COL1A1: variants seen among roughly 807,000 people sequenced by gnomAD.
COL1A1 encodes collagen type I alpha 1 chain, also known as collagen alpha-1(I) chain.
In COL1A1, 21 loss-of-function variants were observed where a neutral mutation model predicts 195.7. The ratio of observed to expected loss-of-function variants is 0.11; its 90% CI spans 0.08 to 0.15. The LOEUF is 0.15. Among genes scored for constraint, COL1A1 ranks in the 10% least tolerant of loss-of-function variants. The pLI, the probability that COL1A1 is intolerant of heterozygous loss-of-function variation, is 1.00. For missense variants in COL1A1, 1,365 were observed against 2,051.0 expected (o/e 0.67, Z 6.46); for synonymous variants, 749 against 747.3 (o/e 1.00, Z -0.04).
At position 50,188,260 on chromosome 17, in the gene COL1A1, G is replaced by T; in HGVS notation, c.3208-111C>A. On this transcript the variant is annotated intron_variant, in intron 43 of 50. Transcript: ENST00000225964. This position sits in a 1 kb window ranked among gnomAD's most constrained non-coding sequence, Gnocchi z 5.6. ...TCTCTCTCCTCAGCTGCTTCCCACT[G>T]TGGCCATCTCTCCCAACTCCCAGGG... 8.9e-7 allele frequency: 1 copy of T among 1,128,384 alleles called. No homozygotes were observed. The highest frequency in any genetic ancestry group is 1.2e-6 in the Non-Finnish European group (1 of 802,086). 69.9% of individuals were successfully genotyped at this position (1,128,384 alleles called of 1,614,324 possible). A position where few individuals can be genotyped will look rare whatever the true frequency, so the allele number is the denominator to read the frequency against.
chr17:50,195,956 A>G lies in COL1A1; in HGVS notation c.1023T>C (p.Gly341=), dbSNP rs770033774. The change falls in exon 16 of 51, where the codon GGT becomes GGC. Residue 341 remains glycine (G), a synonymous_variant. Coordinates refer to ENST00000225964, the MANE Select transcript of COL1A1 (RefSeq NM_000088.4). This position sits in a 1 kb window ranked among gnomAD's most constrained non-coding sequence, Gnocchi z 4.3. The stretch of plus-strand genomic sequence containing the variant: ...CAACAGCACCAGGGAAGCCAGGAGG[A>G]CCAGCGGGGCCGGTGGGACCCTGTG... ...AGPPGPTGPA[G]PPGFPGAVGA... The G allele has an allele frequency of 6.3e-7, 1 of 1,594,370 alleles. No homozygotes were observed. The highest frequency in any genetic ancestry group is 8.5e-7 in the Non-Finnish European group (1 of 1,170,104).
Position 50,188,907 on chromosome 17 carries a change from C to G in COL1A1, c.3041G>C (p.Arg1014Pro). ...GLAGPPGESG[R>P]EGAPGAEGSP... ...TGGGGGCTGGGGACTGCTCACCTCA[C>G]GTCCAGATTCACCAGGGGGTCCAGC... Residue 1014 changes from arginine to proline, a missense_variant, in exon 41 of 51, where the codon CGT becomes CCT. Physicochemically the swap from Arg to Pro is moderately radical, Grantham distance 103. Coordinates refer to ENST00000225964, the MANE Select transcript of COL1A1 (RefSeq NM_000088.4). The surrounding 1 kb of genome is among the most constrained non-coding windows in gnomAD (Gnocchi z 5.6). 1 of 1,600,344 alleles carries G rather than the reference C, an allele frequency of 6.2e-7. No homozygotes were observed. Among genetic ancestry groups the G allele is most frequent in the Non-Finnish European group, 8.6e-7 (1 of 1,167,874 alleles).
chr17:50,192,134 C>T, intron 29 of COL1A1, 110 bp from the exon 30 acceptor site: 1 of 1,165,512 alleles, frequency 8.6e-7, no homozygotes, highest in South Asian at 1.3e-5. Context: ...GAGAGGAACC[C>T]CTTCTCAGCA....
rs1907793531 is a variant in COL1A1 at position 50,198,469 on chromosome 17, C to G, written c.507G>C (p.Glu169Asp). 1.2e-6 allele frequency: 2 copies of G among 1,613,508 alleles called. No homozygotes were observed. Among genetic ancestry groups the G allele is most frequent in the East Asian group, 4.5e-5 (2 of 44,878 alleles). Residue 169 changes from glutamate to aspartate, a missense_variant, in exon 6 of 51, where the codon GAG becomes GAC. By Grantham distance (45) the Glu-to-Asp change is conservative. Transcript: ENST00000225964. ...GCACGGAAATTCCTCCGGTTGATTT[C>G]TCATCATAGCCATAAGACAGCTGGG... is the stretch of plus-strand genomic sequence containing the variant. ...FAPQLSYGYD[E>D]KSTGGISVPG...
intron 14 of COL1A1, 28 bp downstream of exon 14, chr17:50,196,286 G>T: frequency 6.2e-7 from 1 of 1,608,300 alleles, no homozygotes; most frequent in Non-Finnish European, 8.5e-7. Flanking sequence ...AGAGCTCAGG[G>T]ATCCCCCAAG....
In COL1A1 at chr17:50,201,562, C is replaced by T. The variant is rs756902114; in HGVS notation, c.-49G>A. 1 of 1,540,452 alleles carries T rather than the reference C, an allele frequency of 6.5e-7. No individual in the cohort carries two copies. The highest frequency in any genetic ancestry group is 2.3e-5 in the East Asian group (1 of 43,236). Reference sequence around the variant, plus strand: ...TCTTTGTGGCTGGGGAGGGGGTTAGCGTCCGCTCATGCGTGGCCTCACACT... The same window carrying T: ...TCTTTGTGGCTGGGGAGGGGGTTAGTGTCCGCTCATGCGTGGCCTCACACT... On this transcript the variant is annotated 5_prime_UTR_variant, in exon 1 of 51. Coordinates refer to ENST00000225964, the MANE Select transcript of COL1A1 (RefSeq NM_000088.4).
chr17:50,189,145 C>G lies in COL1A1; in HGVS notation c.2937+23G>C. 3 of 1,611,726 alleles carry G rather than the reference C, an allele frequency of 1.9e-6. No homozygotes were observed. The highest frequency in any genetic ancestry group is 1.3e-5 in the African/African-American group (1 of 74,982). ...CCTGTGATGGTTTTTCTCAGGGCCC[C>G]CCAAGGTGAGGGGGGCACTTACAGA... On this transcript the variant is annotated intron_variant, in intron 40 of 50. Coordinates refer to ENST00000225964, the MANE Select transcript of COL1A1 (RefSeq NM_000088.4). This position sits in a 1 kb window ranked among gnomAD's most constrained non-coding sequence, Gnocchi z 5.5.
At position 50,188,016 on chromosome 17, in the gene COL1A1, G is replaced by A; in HGVS notation, c.3262-33C>T. On this transcript the variant is annotated intron_variant, in intron 44 of 50. Transcript: ENST00000225964. The surrounding 1 kb of genome is among the most constrained non-coding windows in gnomAD (Gnocchi z 5.6). ...AGAGAAAGGGACAAACTGTCAGGCG[G>A]AAGTTCCATTGGCATCGAGTGGGGC... 6.2e-7 allele frequency: 1 copy of A among 1,613,906 alleles called. No individual in the cohort carries two copies. Among genetic ancestry groups the A allele is most frequent in the Non-Finnish European group, 8.5e-7 (1 of 1,179,810 alleles).
In COL1A1 at chr17:50,189,289, A is replaced by G; in HGVS notation, c.2830-14T>C. The G allele has an allele frequency of 6.2e-7, 1 of 1,613,960 alleles. No homozygotes were observed. Among genetic ancestry groups the G allele is most frequent in the Non-Finnish European group, 8.5e-7 (1 of 1,179,968 alleles). On this transcript the variant is annotated splice_polypyrimidine_tract_variant and intron_variant, in intron 39 of 50. Coordinates refer to ENST00000225964, the MANE Select transcript of COL1A1 (RefSeq NM_000088.4). This position sits in a 1 kb window ranked among gnomAD's most constrained non-coding sequence, Gnocchi z 5.5. ...ACCAGGAGCACCCTTTGGGAGGCAAACAGGGGTGAGGTGCCAGAGAGCAGC... is the reference window on the plus strand; with the variant it reads ...ACCAGGAGCACCCTTTGGGAGGCAAGCAGGGGTGAGGTGCCAGAGAGCAGC...
Position 50,189,160 on chromosome 17 carries a change from G to C in COL1A1, c.2937+8C>G. On this transcript the variant is annotated splice_region_variant and intron_variant, in intron 40 of 50. Transcript: ENST00000225964. This position sits in a 1 kb window ranked among gnomAD's most constrained non-coding sequence, Gnocchi z 5.5. Reference sequence around the variant, plus strand: ...CTCAGGGCCCCCCAAGGTGAGGGGGGCACTTACAGAGGGGCCAGGAAGACC... The same window carrying C: ...CTCAGGGCCCCCCAAGGTGAGGGGGCCACTTACAGAGGGGCCAGGAAGACC... 1.2e-6 allele frequency: 2 copies of C among 1,612,806 alleles called. No individual in the cohort carries two copies. The highest frequency in any genetic ancestry group is 2.2e-5 in the East Asian group (1 of 44,866).
In COL1A1 at chr17:50,191,862, G is replaced by A. The variant is rs764826942; in HGVS notation, c.2053C>T (p.Arg685Cys). The part of the protein sequence containing the change: ...ARGERGFPGE[R>C]GVQGPPGPAG... ...GGACCAGGGGGACCTTGCACACCAC[G>A]CTCGCCAGGGAAACCTCTCTCGCCC... The change falls in exon 31 of 51, where the codon CGT becomes TGT. Residue 685 changes from arginine (R) to cysteine (C), a missense_variant. Physicochemically the swap from Arg to Cys is radical, Grantham distance 180. This residue lies in a region of COL1A1 where 671 missense variants were observed against 1,099.9 expected (regional missense o/e 0.61). Coordinates refer to ENST00000225964, the MANE Select transcript of COL1A1 (RefSeq NM_000088.4). The A allele has an allele frequency of 1.2e-5, 19 of 1,602,322 alleles. No individual in the cohort carries two copies. The highest frequency in any genetic ancestry group is 1.5e-5 in the Non-Finnish European group (18 of 1,174,136).
At chr17:50,198,885 CT>C (rs1907822726) in intron 5 of COL1A1, among the ~76,000 whole-genome samples, 1 of 152,144 alleles carries the variant, frequency 6.6e-6, no homozygotes, top group African/African-American at 2.4e-5. Flanking sequence ...CATCGGTGAA[CT>C]TTGAATACGG....
Position 50,184,199 on chromosome 17 carries a change from C to G in COL1A1, c.*1303G>C. 4.4e-6 allele frequency: 1 copy of G among 228,418 alleles called. No homozygotes were observed. The highest frequency in any genetic ancestry group is 8.7e-6 in the Non-Finnish European group (1 of 114,740). 14.1% of individuals were successfully genotyped at this position (228,418 alleles called of 1,614,324 possible). On this transcript the variant is annotated 3_prime_UTR_variant, in exon 51 of 51. Transcript: ENST00000225964. ...AAAATAGGTACAGAGTCTTTTGCTT[C>G]CTCCCACCCCTAGGGGGAAAAACTG...
rs759750794 is a variant in COL1A1, at chr17:50,192,854, C to A, written c.1822-4G>T. 2 of 1,613,934 alleles carry A rather than the reference C, an allele frequency of 1.2e-6. No homozygotes were observed. Among genetic ancestry groups the A allele is most frequent in the Middle Eastern group, 1.7e-4 (1 of 6,058 alleles). ...CTCCATCTTTGCCAGCAGGACCCTG[C>A]AGGGAGAGAGCAAAGGGGAACTCAG... On this transcript the variant is annotated splice_region_variant and splice_polypyrimidine_tract_variant and intron_variant, in intron 26 of 50. Coordinates refer to ENST00000225964, the MANE Select transcript of COL1A1 (RefSeq NM_000088.4).
intron 8 of COL1A1, 61 bp from the exon 9 acceptor site, chr17:50,197,846 G>A: frequency 4.4e-6 from 7 of 1,591,122 alleles, no homozygotes; most frequent in Non-Finnish European, 6.0e-6. Flanking sequence ...GGAAGGCTGG[G>A]ATTGAAGGGA....
At position 50,194,089 on chromosome 17, in the gene COL1A1, G is replaced by A. The variant is rs963370355; in HGVS notation, c.1668+41C>T. 4.3e-6 allele frequency: 7 copies of A among 1,610,904 alleles called. No individual in the cohort carries two copies. The highest frequency in any genetic ancestry group is 5.9e-6 in the Non-Finnish European group (7 of 1,177,288). On this transcript the variant is annotated intron_variant, in intron 24 of 50. Coordinates refer to ENST00000225964, the MANE Select transcript of COL1A1 (RefSeq NM_000088.4). This position sits in a 1 kb window ranked among gnomAD's most constrained non-coding sequence, Gnocchi z 6.8. ...CAGCAGTGAGGACAGCAGGGAGGCAGACAGGACAATGGCAGGGGGTTCAGG... is the reference window on the plus strand; with the variant it reads ...CAGCAGTGAGGACAGCAGGGAGGCAAACAGGACAATGGCAGGGGGTTCAGG...
chr17:50,188,647 A>G lies in COL1A1; in HGVS notation c.3100-10T>C. The G allele has an allele frequency of 1.2e-6, 2 of 1,613,658 alleles. No individual in the cohort carries two copies. Among genetic ancestry groups the G allele is most frequent in the South Asian group, 2.2e-5 (2 of 91,068 alleles). The stretch of plus-strand genomic sequence containing the variant: ...TCTCACCACGGTCACCCTGGCGGGG[A>G]GAGCAGGGGAATATGGGTCAGCCCC... On this transcript the variant is annotated splice_polypyrimidine_tract_variant and intron_variant, in intron 42 of 50. Coordinates refer to ENST00000225964, the MANE Select transcript of COL1A1 (RefSeq NM_000088.4). This position sits in a 1 kb window ranked among gnomAD's most constrained non-coding sequence, Gnocchi z 5.6.
In COL1A1 at chr17:50,198,033, G is replaced by A. The variant is rs1449773406; in HGVS notation, c.589-31C>T. The A allele has an allele frequency of 4.3e-6, 7 of 1,612,704 alleles. No individual in the cohort carries two copies. In the African/African-American group the frequency reaches 9.4e-5, roughly 22 times the overall value. On this transcript the variant is annotated intron_variant, in intron 7 of 50. Coordinates refer to ENST00000225964, the MANE Select transcript of COL1A1 (RefSeq NM_000088.4). ...GAAGAAGGAAAAAGATGGGTTAGAAGACAAGTCCCTGTCAACCTTCTCCAA... is the reference window on the plus strand; with the variant it reads ...GAAGAAGGAAAAAGATGGGTTAGAAAACAAGTCCCTGTCAACCTTCTCCAA...
chr17:50,192,326 T>G, intron 29 of COL1A1, 149 bp downstream of exon 29: 1 of 929,100 alleles, frequency 1.1e-6, no homozygotes, highest in Middle Eastern at 3.1e-4. Flanking sequence ...CCCACTTCCC[T>G]CTGTGCTGCT....
Sources: allele counts gnomAD v4.1 joint callset (sites outside exome capture counted in the v4.1 genomes callset), GRCh38; gene constraint gnomAD v4.1.1; regional missense constraint gnomAD v4.1.1; non-coding constraint Gnocchi (gnomAD v3.1); transcripts MANE v1.5; gene names NCBI Gene and HGNC (gene_info 2026-07-23, HGNC 2026-07-21).